Variants in SRGAP1 observed in about 807,000 individuals in gnomAD.
The protein encoded by SRGAP1 is SLIT-ROBO Rho GTPase activating protein 1.
A neutral mutation model predicts 121.9 loss-of-function variants in SRGAP1; 43 were observed. The observed-to-expected ratio is 0.35, with a 90% CI of 0.28 to 0.46. SRGAP1 has a LOEUF of 0.46. Among genes scored for constraint, SRGAP1 ranks in the 20% least tolerant of loss-of-function variants. SRGAP1 has a pLI of 1.00. For missense variants in SRGAP1, 1,102 were observed against 1,350.9 expected, an observed-to-expected ratio of 0.82 and a Z score of 2.89; for synonymous variants, 447 against 485.4, an observed-to-expected ratio of 0.92 and a Z score of 1.04.
chr12:64,096,852 A>G (rs932538999), intron 14 of SRGAP1, among the ~76,000 whole-genome samples: 1 of 152,180 alleles, frequency 6.6e-6, no homozygotes, highest in African/African-American at 2.4e-5. Context: ...AGACAGACCT[A>G]TGGTGTGTCT....
chr12:64,142,771 A>C lies in SRGAP1; in HGVS notation c.*99A>C. The stretch of plus-strand genomic sequence containing the variant: ...CATAACTTTCCTTAGTTTTGTGCTT[A>C]TAACTGGAGATCTTTTGGCTTTTCT... On this transcript the variant is annotated 3_prime_UTR_variant, in exon 22 of 22. Transcript: ENST00000355086. The C allele has an allele frequency of 6.8e-7, 1 of 1,468,388 alleles. No individual in the cohort carries two copies. The highest frequency in any genetic ancestry group is 9.1e-7 in the Non-Finnish European group (1 of 1,096,410). The allele number at this position is 1,468,388 out of a possible 1,614,324, so 91.0% of individuals were successfully genotyped here.
chr12:64,039,105 T>C (rs2034956370), intron 4 of SRGAP1: 1 of 152,232 alleles, frequency 6.6e-6, no homozygotes, highest in Admixed American at 6.5e-5. Context: ...TTATCTGCAA[T>C]TAGAGTTCTC....
At chr12:63,894,375 C>T (rs1720001812) in intron 1 of SRGAP1, among the ~76,000 whole-genome samples, 1 of 152,112 alleles carries the variant, frequency 6.6e-6, no homozygotes, top group Admixed American at 6.5e-5. Context: ...CAACTCTTCC[C>T]CTTTTCCCTG....
rs531972837 is a variant in SRGAP1 at position 64,078,116 on chromosome 12, G to C, written c.1126-803G>C. 2.6e-5 allele frequency among the ~76,000 whole-genome samples: 4 copies of C among 152,282 alleles called. No individual in the cohort carries two copies. The South Asian group carries it at 8.3e-4, about 32-fold the overall frequency. ...ACTGACAATACCAACTGTTGATGAG[G>C]ATGTGGAATAGCAGGGATTCTTCCA... On this transcript the variant is annotated intron_variant, in intron 8 of 21. Coordinates refer to ENST00000355086, the MANE Select transcript of SRGAP1 (RefSeq NM_020762.4).
At chr12:63,999,281 T>C (rs550743899) in intron 3 of SRGAP1, among the ~76,000 whole-genome samples, 1 of 152,266 alleles carries the variant, frequency 6.6e-6, no homozygotes, top group East Asian at 1.9e-4. Context: ...TTAAAGGCCA[T>C]ATTGAGGAGT....
chr12:63,997,332 A>G (rs1394087354), intron 3 of SRGAP1, among the ~76,000 whole-genome samples: 2 of 152,114 alleles, frequency 1.3e-5, no homozygotes, highest in Non-Finnish European at 2.9e-5. Flanking sequence ...AGTCTATACC[A>G]TCTGGATTTG....
At chr12:64,033,428 G>C (rs2034826248) in intron 4 of SRGAP1, among the ~76,000 whole-genome samples, 1 of 152,190 alleles carries the variant, frequency 6.6e-6, no homozygotes, top group African/African-American at 2.4e-5. Context: ...ATTCTAAAGA[G>C]TTTTGTGGCC....
intron 1 of SRGAP1, among the ~76,000 whole-genome samples, chr12:63,932,944 C>A (rs1310387155): frequency 3.3e-5 from 5 of 152,200 alleles, no homozygotes; most frequent in Non-Finnish European, 2.9e-5. Context: ...AATCCCAGCA[C>A]TTTGGGAGGC....
chr12:64,011,596 G>T (rs752268370), intron 3 of SRGAP1, among the ~76,000 whole-genome samples: 5 of 152,026 alleles, frequency 3.3e-5, no homozygotes, highest in Non-Finnish European at 7.4e-5. Flanking sequence ...ACATATTGGT[G>T]AAATTGAATA....
At chr12:63,912,706 A>C (rs531558426) in intron 1 of SRGAP1, among the ~76,000 whole-genome samples, 11 of 152,222 alleles carry the variant, frequency 7.2e-5, no homozygotes, top group Non-Finnish European at 1.3e-4. Flanking sequence ...TGAAAACAAA[A>C]TTTTTTTAAA....
intron 3 of SRGAP1, among the ~76,000 whole-genome samples, chr12:64,012,549 A>ATGT (rs1428356285): frequency 2.0e-5 from 2 of 98,688 alleles, no homozygotes; most frequent in Non-Finnish European, 4.0e-5. Context: ...TTAAGTTATT[A>ATGT]TCTTTTTTTT....
At chr12:64,080,435 G>C in intron 10 of SRGAP1, 65 bp downstream of exon 10, 1 of 1,262,278 alleles carries the variant, frequency 7.9e-7, no homozygotes, top group Non-Finnish European at 1.2e-6. Flanking sequence ...ATATATTCCA[G>C]AAAGAGTATG....
At chr12:64,064,611 C>CTTA (rs140791527) in intron 7 of SRGAP1, among the ~76,000 whole-genome samples, 4,711 of 152,274 alleles carry the variant, frequency 0.031, 226 homozygotes, top group African/African-American at 0.1. Flanking sequence ...TATAAGAACT[C>CTTA]TTATCCTCAT....
intron 1 of SRGAP1, among the ~76,000 whole-genome samples, chr12:63,862,981 C>T (rs893968025): frequency 6.6e-6 from 1 of 152,120 alleles, no homozygotes; most frequent in Non-Finnish European, 1.5e-5. Context: ...TTTTTAGAAA[C>T]TTGCACTAGA....
chr12:63,876,852 TA>T (rs1900045207), intron 1 of SRGAP1, among the ~76,000 whole-genome samples: 1 of 152,224 alleles, frequency 6.6e-6, no homozygotes, highest in South Asian at 2.1e-4. Context: ...TGGAAATTAT[TA>T]ATGAACCTTT....
chr12:64,031,997 A>C (rs899764899), intron 4 of SRGAP1, among the ~76,000 whole-genome samples: 1 of 152,160 alleles, frequency 6.6e-6, no homozygotes, highest in African/African-American at 2.4e-5. Flanking sequence ...CTACTCTGTA[A>C]ATTTACTAGG....
At chr12:63,990,115 G>T (rs1476021011) in intron 3 of SRGAP1, 43 bp downstream of exon 3, 1 of 1,494,084 alleles carries the variant, frequency 6.7e-7, no homozygotes, top group Non-Finnish European at 9.1e-7. Context: ...TCCAATAACT[G>T]CCTTGTCTAT....
chr12:63,976,867 T>G (rs2033108527), intron 1 of SRGAP1, among the ~76,000 whole-genome samples: 1 of 152,162 alleles, frequency 6.6e-6, no homozygotes, highest in South Asian at 2.1e-4. Flanking sequence ...ACCTAGTCTG[T>G]GACTAGATCT....
chr12:63,986,091 GTCTCTTCTCTTTTC>G (rs1217331561), intron 2 of SRGAP1, among the ~76,000 whole-genome samples: 1 of 151,556 alleles, frequency 6.6e-6, no homozygotes, highest in Non-Finnish European at 1.5e-5. Context: ...TCTCCTCTCT[GTCTCTTCTCTTTTC>G]TCTCTTCTCT....
Sources: allele counts gnomAD v4.1 joint callset (sites outside exome capture counted in the v4.1 genomes callset), GRCh38; gene constraint gnomAD v4.1.1; transcripts MANE v1.5; gene names NCBI Gene and HGNC (gene_info 2026-07-23, HGNC 2026-07-21).